Variants in DACH1 observed in about 807,000 individuals in gnomAD.
The protein encoded by DACH1 is dachshund family transcription factor 1, also known as dachshund homolog 1.
In DACH1, 12 loss-of-function variants were observed where a neutral mutation model predicts 54.2. The ratio of observed to expected loss-of-function variants is 0.22; its 90% CI spans 0.14 to 0.36. The LOEUF is 0.36. Ranked by LOEUF, DACH1 falls within the 10% of genes least tolerant of loss-of-function variation. DACH1 has a pLI of 1.00. For synonymous variants in DACH1, 386 were observed against 366.2 expected (o/e 1.05, Z -0.62); for missense variants, 805 against 929.8 (o/e 0.87, Z 1.75).
intron 1 of DACH1, among the ~76,000 whole-genome samples, chr13:71,765,721 A>C (rs971372026): frequency 1.3e-5 from 2 of 152,106 alleles, no homozygotes; most frequent in African/African-American, 4.8e-5. Context: ...TCTTTCTAGC[A>C]ATCCTAGGAA....
chr13:71,465,993 CAG>C (rs1311364846), intron 10 of DACH1, among the ~76,000 whole-genome samples: 1 of 152,142 alleles, frequency 6.6e-6, no homozygotes, highest in Non-Finnish European at 1.5e-5. Flanking sequence ...TCTTTAAAAA[CAG>C]ATGTTAAAAT....
chr13:71,842,017 G>A (rs1048375949), intron 1 of DACH1, among the ~76,000 whole-genome samples: 4 of 152,110 alleles, frequency 2.6e-5, no homozygotes, highest in African/African-American at 9.7e-5. Flanking sequence ...GCTCAAATGG[G>A]TTATACAACT....
intron 6 of DACH1, among the ~76,000 whole-genome samples, chr13:71,524,991 G>C (rs1227912403): frequency 6.6e-6 from 1 of 152,116 alleles, no homozygotes; most frequent in Non-Finnish European, 1.5e-5. Context: ...TTTTTGGAAA[G>C]TGACACCCTC....
intron 6 of DACH1, among the ~76,000 whole-genome samples, chr13:71,503,259 A>G (rs577629748): frequency 6.6e-6 from 1 of 152,320 alleles, no homozygotes; most frequent in African/African-American, 2.4e-5. Flanking sequence ...TTAACATGAA[A>G]AACTGTGAGG....
At chr13:71,860,801 T>A (rs546338230) in intron 1 of DACH1, among the ~76,000 whole-genome samples, 27 of 152,110 alleles carry the variant, frequency 1.8e-4, no homozygotes, top group Admixed American at 1.6e-3. Context: ...CTTGGAAAGA[T>A]AAAATAATAC....
chr13:71,812,645 G>A (rs1404129700), intron 1 of DACH1, among the ~76,000 whole-genome samples: 4 of 151,922 alleles, frequency 2.6e-5, no homozygotes, highest in Admixed American at 6.6e-5. Flanking sequence ...TAACGCCAGC[G>A]TTTAATATGT....
intron 10 of DACH1, among the ~76,000 whole-genome samples, chr13:71,457,506 T>C (rs1328672958): frequency 6.6e-6 from 1 of 151,930 alleles, no homozygotes; most frequent in Non-Finnish European, 1.5e-5. Context: ...AAAATTCAAA[T>C]CCATCCTTTC....
intron 1 of DACH1, among the ~76,000 whole-genome samples, chr13:71,696,456 A>G (rs1402379259): frequency 1.3e-5 from 2 of 152,244 alleles, no homozygotes; most frequent in African/African-American, 4.8e-5. Context: ...GCAAAAGTCC[A>G]TGCTAAATTG....
intron 4 of DACH1, among the ~76,000 whole-genome samples, chr13:71,570,254 T>A (rs1411426629): frequency 6.6e-6 from 1 of 152,190 alleles, no homozygotes; most frequent in East Asian, 1.9e-4. Context: ...TATGTGGATG[T>A]CTTTAAGCAT....
chr13:71,488,523 C>T (rs1878723303), intron 7 of DACH1, among the ~76,000 whole-genome samples: 1 of 152,030 alleles, frequency 6.6e-6, no homozygotes, highest in African/African-American at 2.4e-5. Flanking sequence ...TTGAAACAAA[C>T]TTATTTATGA....
chr13:71,843,724 G>T (rs1228668083), intron 1 of DACH1, among the ~76,000 whole-genome samples: 3 of 152,126 alleles, frequency 2.0e-5, no homozygotes, highest in African/African-American at 4.8e-5. Context: ...GAGGCTGAAA[G>T]TTCCCTTCAA....
intron 6 of DACH1, among the ~76,000 whole-genome samples, chr13:71,496,165 G>C (rs913580802): frequency 1.3e-5 from 2 of 150,546 alleles, no homozygotes; most frequent in African/African-American, 4.9e-5. Context: ...TTGAACCTAG[G>C]GGGCAGAGGT....
intron 3 of DACH1, among the ~76,000 whole-genome samples, chr13:71,609,565 G>A (rs1455896263): frequency 6.6e-6 from 1 of 151,432 alleles, no homozygotes; most frequent in East Asian, 1.9e-4. Flanking sequence ...TTGAGATGGA[G>A]TTTTGCTCTT....
intron 1 of DACH1, among the ~76,000 whole-genome samples, chr13:71,801,977 T>C (rs1166796745): frequency 6.6e-6 from 1 of 152,120 alleles, no homozygotes; most frequent in Non-Finnish European, 1.5e-5. Flanking sequence ...ACCCTGTCCA[T>C]CTGTCAGAGA....
intron 1 of DACH1, among the ~76,000 whole-genome samples, chr13:71,756,190 T>A (rs1004004432): frequency 2.0e-5 from 3 of 151,732 alleles, no homozygotes; most frequent in Non-Finnish European, 2.9e-5. Flanking sequence ...GCCACCACAC[T>A]CGGCTAATTT....
At chr13:71,679,027 T>C (rs988796220) in intron 2 of DACH1, among the ~76,000 whole-genome samples, 7 of 152,162 alleles carry the variant, frequency 4.6e-5, no homozygotes, top group African/African-American at 1.4e-4. Flanking sequence ...CTTTAGAACA[T>C]GGCTGTTTAA....
chr13:71,673,362 T>C (rs1880319648), intron 2 of DACH1, among the ~76,000 whole-genome samples: 1 of 152,142 alleles, frequency 6.6e-6, no homozygotes, highest in Non-Finnish European at 1.5e-5. Flanking sequence ...GAAGTAAATA[T>C]ATTTCTTCTG....
At chr13:71,813,941 G>A (rs931020428) in intron 1 of DACH1, among the ~76,000 whole-genome samples, 11 of 152,120 alleles carry the variant, frequency 7.2e-5, no homozygotes, top group Non-Finnish European at 1.3e-4. Context: ...AAATGGTGAC[G>A]TTAAGCCCTC....
At chr13:71,480,586 A>C (rs1877945101) in intron 7 of DACH1, among the ~76,000 whole-genome samples, 1 of 152,190 alleles carries the variant, frequency 6.6e-6, no homozygotes, top group Admixed American at 6.5e-5. Context: ...GAGTTTTTGA[A>C]GTAGAAGATA....
Sources: gnomAD v4.1 joint callset for allele counts (sites outside exome capture counted in the v4.1 genomes callset) on GRCh38, gnomAD v4.1.1 for gene constraint, MANE v1.5 for transcripts, NCBI Gene and HGNC (gene_info 2026-07-23, HGNC 2026-07-21) for gene names.